Variants in ANXA6 observed in about 807,000 individuals in gnomAD.
ANXA6 encodes the protein annexin A6.
ANXA6 carries 71 observed loss-of-function variants against 95.4 expected under a neutral mutation model. The ratio of observed to expected loss-of-function variants is 0.74; its 90% CI spans 0.61 to 0.91. The LOEUF is 0.91. Ranked by LOEUF, ANXA6 falls within the 40% of genes least tolerant of loss-of-function variation. ANXA6 has a pLI of 0.00. For missense variants in ANXA6, 830 were observed against 876.4 expected, an observed-to-expected ratio of 0.95 and a Z score of 0.67; for synonymous variants, 289 against 315.9, an observed-to-expected ratio of 0.91 and a Z score of 0.90.
intron 2 of ANXA6, among the ~76,000 whole-genome samples, chr5:151,144,046 C>T (rs940143655): frequency 4.6e-5 from 7 of 152,194 alleles, no homozygotes; most frequent in Middle Eastern, 3.4e-3. Flanking sequence ...CCACTAGAAG[C>T]GGGGAAGGCA....
At chr5:151,132,013 C>T (rs997885279) in intron 10 of ANXA6, among the ~76,000 whole-genome samples, 2 of 152,152 alleles carry the variant, frequency 1.3e-5, no homozygotes, top group South Asian at 2.1e-4. Flanking sequence ...CACATCCTCA[C>T]GTTCTCAGTA....
intron 17 of ANXA6, among the ~76,000 whole-genome samples, chr5:151,121,002 G>C (rs550228130): frequency 6.6e-6 from 1 of 152,178 alleles, no homozygotes; most frequent in Non-Finnish European, 1.5e-5. Context: ...TTACCTCATC[G>C]ATCTCTTCTA....
intron 2 of ANXA6, among the ~76,000 whole-genome samples, chr5:151,141,007 G>A (rs1226847217): frequency 6.6e-6 from 1 of 152,232 alleles, no homozygotes; most frequent in Non-Finnish European, 1.5e-5. Context: ...CCAAGACAAG[G>A]CACTGCCCCT....
chr5:151,108,180 C>A, intron 23 of ANXA6, among the ~76,000 whole-genome samples: 1 of 151,752 alleles, frequency 6.6e-6, no homozygotes. Context: ...TGTGTATACA[C>A]CCTAGTTGTG....
In ANXA6 at chr5:151,101,438, AG is replaced by A. The variant is rs1267147539; in HGVS notation, c.*9del. 3.2e-6 allele frequency: 5 copies of A among 1,554,940 alleles called. No homozygotes were observed. The African/African-American group carries it at 6.9e-5, about 21-fold the overall frequency. On this transcript the variant is annotated 3_prime_UTR_variant, in exon 26 of 26. Transcript: ENST00000354546. ...ATTTCTTGGCAGAAGTGCCCGCCAA[AG>A]CTGTGGCCCTAGTCCTCACCACCAC...
In ANXA6 at chr5:151,117,175, A is replaced by G; in HGVS notation, c.1524T>C (p.His508=). The G allele has an allele frequency of 6.3e-7, 1 of 1,590,594 alleles. No homozygotes were observed. Among genetic ancestry groups the G allele is most frequent in the Non-Finnish European group, 8.6e-7 (1 of 1,166,376 alleles). ...RRILISLATG[H]REEGGENLDQ... is the part of the protein sequence containing the mutation. ...CCAGGTTTTCTCCTCCCTCCTCACG[A>G]TGCCCCTGCAGCAGGAGCAGCAAGA... Residue 508 remains histidine (H), a synonymous_variant, in exon 20 of 26, where the codon CAT becomes CAC. Transcript: ENST00000354546.
chr5:151,124,540 AG>A (rs1325192136), intron 14 of ANXA6, among the ~76,000 whole-genome samples, 173 bp from the exon 15 acceptor site: 1 of 47,952 alleles, frequency 2.1e-5, no homozygotes, highest in Non-Finnish European at 3.9e-5. Context: ...GAGAGCTGAG[AG>A]AGAGAGAGAG....
chr5:151,139,225 CA>C, intron 4 of ANXA6, 127 bp downstream of exon 4: 2 of 654,812 alleles, frequency 3.1e-6, no homozygotes, highest in South Asian at 2.0e-5. Context: ...AGAAAAAGAG[CA>C]GGGTAAGGTG....
Position 151,137,770 on chromosome 5 carries a change from C to T in ANXA6, c.319-449G>A, listed in dbSNP as rs569539274. Among the ~76,000 whole-genome samples the T allele has an allele frequency of 5.3e-5, 8 of 152,310 alleles. No individual in the cohort carries two copies. The South Asian group carries it at 1.5e-3, about 28-fold the overall frequency. On this transcript the variant is annotated intron_variant, in intron 5 of 25. Transcript: ENST00000354546. ...TGCCAAGACTGGAAGCTTCTTGAGGCCTCCCCGGAAGCAGAAGCCACAATG... is the reference window on the plus strand; with the variant it reads ...TGCCAAGACTGGAAGCTTCTTGAGGTCTCCCCGGAAGCAGAAGCCACAATG...
intron 22 of ANXA6, among the ~76,000 whole-genome samples, chr5:151,108,781 C>T (rs572536353): frequency 6.6e-5 from 10 of 152,334 alleles, no homozygotes; most frequent in South Asian, 4.1e-4. Context: ...CGCCAGTCCC[C>T]GTGCCTGGCC....
At chr5:151,107,332 G>A (rs570440083) in intron 23 of ANXA6, among the ~76,000 whole-genome samples, 2 of 152,334 alleles carry the variant, frequency 1.3e-5, no homozygotes, top group Admixed American at 1.3e-4. Flanking sequence ...CTTTACAAAG[G>A]AGGAAATTGA....
chr5:151,111,738 G>A (rs2072247181), intron 20 of ANXA6, among the ~76,000 whole-genome samples: 1 of 152,084 alleles, frequency 6.6e-6, no homozygotes, highest in Non-Finnish European at 1.5e-5. Flanking sequence ...ACAGGTGTGT[G>A]CCACCACATC....
At chr5:151,133,015 A>AAAGAG in intron 9 of ANXA6, 79 bp downstream of exon 9, 1 of 1,078,466 alleles carries the variant, frequency 9.3e-7, no homozygotes, top group Non-Finnish European at 1.4e-6. Context: ...CATTAGTGGT[A>AAAGAG]AAGAAAAGAA....
At chr5:151,152,793 G>C (rs1204870487) in intron 1 of ANXA6, among the ~76,000 whole-genome samples, 1 of 152,110 alleles carries the variant, frequency 6.6e-6, no homozygotes, top group Non-Finnish European at 1.5e-5. Flanking sequence ...TGGATTCAAT[G>C]GAATGGAGGC....
chr5:151,109,773 C>T lies in ANXA6; in HGVS notation c.1664G>A (p.Ser555Asn), dbSNP rs1329954521. The change falls in exon 22 of 26, where the codon AGC (serine) becomes AAC (asparagine). Residue 555 changes from serine to asparagine, a missense_variant. By Grantham distance (46) the Ser-to-Asn change is conservative. Transcript: ENST00000354546. ...CTCACCTCTCCGGAGGTGCGGATAG[C>T]TCCGGGTACACAGGATCGTCATGAA... ...TRFMTILCTR[S>N]YPHLRRVFQE... 3 of 1,610,970 alleles carry T rather than the reference C, an allele frequency of 1.9e-6. No homozygotes were observed. Among genetic ancestry groups the T allele is most frequent in the Non-Finnish European group, 2.5e-6 (3 of 1,178,520 alleles).
chr5:151,128,660 A>T (rs993291046), intron 12 of ANXA6, among the ~76,000 whole-genome samples: 1 of 152,238 alleles, frequency 6.6e-6, no homozygotes, highest in African/African-American at 2.4e-5. Context: ...AATGCAAAAA[A>T]ATCAAACAAA....
At chr5:151,117,694 A>C in intron 19 of ANXA6, 64 bp downstream of exon 19, 2 of 1,431,778 alleles carry the variant, frequency 1.4e-6, no homozygotes, top group Non-Finnish European at 1.9e-6. Flanking sequence ...CCACTCAGTA[A>C]ACCTTCCCTT....
intron 20 of ANXA6, among the ~76,000 whole-genome samples, chr5:151,115,243 A>G (rs1764964928): frequency 6.6e-6 from 1 of 152,232 alleles, no homozygotes; most frequent in South Asian, 2.1e-4. Context: ...GTATGCCACA[A>G]TACTGACAAT....
rs61407672 is a variant in ANXA6 at position 151,114,613 on chromosome 5, T to TAAAA, written c.1572+2510_1572+2513dup. Reference sequence around the variant, plus strand: ...TGGGCAACAGAGCGAGACTCCGTCTTAAAAAAAAAAAAAAAAAAAAAAAAA... The same window carrying TAAAA: ...TGGGCAACAGAGCGAGACTCCGTCTTAAAAAAAAAAAAAAAAAAAAAAAAAAAAA... On this transcript the variant is annotated intron_variant, in intron 20 of 25. Coordinates refer to ENST00000354546, the MANE Select transcript of ANXA6 (RefSeq NM_001155.5). 4.8e-3 allele frequency among the ~76,000 whole-genome samples: 336 copies of TAAAA among 70,298 alleles called. 10 individuals carry two copies. The highest frequency in any genetic ancestry group is 0.016 in the African/African-American group (297 of 18,946). The allele number at this position is 70,298 out of a possible 152,430, so 46.1% of individuals were successfully genotyped here. A position where few individuals can be genotyped will look rare whatever the true frequency, so the allele number is the denominator to read the frequency against.
Sources: gnomAD v4.1 joint callset for allele counts (sites outside exome capture counted in the v4.1 genomes callset) on GRCh38, gnomAD v4.1.1 for gene constraint, MANE v1.5 for transcripts, NCBI Gene and HGNC (gene_info 2026-07-23, HGNC 2026-07-21) for gene names.